APBA2: variants seen among roughly 807,000 people sequenced by gnomAD.
APBA2 encodes the protein amyloid beta precursor protein binding family A member 2.
Under a neutral mutation model 75.0 loss-of-function variants are expected in APBA2, and 30 were observed. The observed-to-expected ratio is 0.40, with a 90% CI of 0.30 to 0.54. APBA2 has a LOEUF of 0.54. APBA2 is among the 20% of genes least tolerant of loss of function. The probability of loss-of-function intolerance (pLI) is 0.49; values close to 1 mark genes in which losing one functional copy is unlikely to be tolerated. For synonymous variants in APBA2, 444 were observed against 409.6 expected (o/e 1.08, Z -1.01); for missense variants, 801 against 1,016.1 (o/e 0.79, Z 2.88).
chr15:28,998,426 G>A (rs2038659523), intron 3 of APBA2, among the ~76,000 whole-genome samples: 1 of 152,066 alleles, frequency 6.6e-6, no homozygotes, highest in Non-Finnish European at 1.5e-5. Flanking sequence ...GGGCTGATGT[G>A]ATACTAGCAT....
chr15:29,075,152 G>A, intron 5 of APBA2, 151 bp downstream of exon 5: 1 of 721,454 alleles, frequency 1.4e-6, no homozygotes, highest in Admixed American at 2.0e-5. Flanking sequence ...CCAAGTTGGT[G>A]TCACCATATG....
At chr15:28,888,769 A>G (rs879340575) in intron 1 of APBA2, among the ~76,000 whole-genome samples, 5 of 152,248 alleles carry the variant, frequency 3.3e-5, no homozygotes, top group Admixed American at 3.3e-4. Context: ...TCCTGGCTGT[A>G]TCACTCACAG....
At chr15:28,955,587 A>G (rs941802984) in intron 2 of APBA2, among the ~76,000 whole-genome samples, 3 of 152,258 alleles carry the variant, frequency 2.0e-5, no homozygotes, top group African/African-American at 7.2e-5. Flanking sequence ...AGGGAAATGC[A>G]TCTTTTGTGG....
intron 13 of APBA2, among the ~76,000 whole-genome samples, chr15:29,112,434 A>G (rs944871536): frequency 1.5e-4 from 23 of 152,134 alleles, no homozygotes; most frequent in Non-Finnish European, 4.4e-5. Context: ...AGGCCCCCTC[A>G]CAGTTGTCTG....
At chr15:28,900,707 G>T (rs142171927) in intron 1 of APBA2, among the ~76,000 whole-genome samples, 1 of 152,146 alleles carries the variant, frequency 6.6e-6, no homozygotes, top group Non-Finnish European at 1.5e-5. Flanking sequence ...GCGCCCCTGT[G>T]TGTCCTGTTT....
chr15:29,071,322 G>A (rs553878026), intron 4 of APBA2, among the ~76,000 whole-genome samples: 4 of 152,070 alleles, frequency 2.6e-5, no homozygotes, highest in South Asian at 2.1e-4. Flanking sequence ...CCTGAGTCCC[G>A]TGTGCTGTGA....
intron 3 of APBA2, among the ~76,000 whole-genome samples, chr15:29,033,964 C>CAAAAAAAAA (rs34808408): frequency 1.0e-4 from 4 of 39,548 alleles, no homozygotes; most frequent in African/African-American, 3.5e-4. Flanking sequence ...GACTCCATCT[C>CAAAAAAAAA]AAAAAAAAAA....
intron 2 of APBA2, among the ~76,000 whole-genome samples, chr15:28,948,589 C>T (rs894657794): frequency 1.9e-4 from 29 of 152,338 alleles, no homozygotes; most frequent in South Asian, 4.1e-4. Context: ...TTGCTTACGG[C>T]TACGCCCTGG....
intron 3 of APBA2, among the ~76,000 whole-genome samples, chr15:29,029,597 A>G (rs2040387672): frequency 6.6e-6 from 1 of 152,096 alleles, no homozygotes; most frequent in African/African-American, 2.4e-5. Flanking sequence ...CATCATATTT[A>G]ATAGAATTAT....
chr15:28,889,515 C>T (rs1034857704), intron 1 of APBA2, among the ~76,000 whole-genome samples: 14 of 152,322 alleles, frequency 9.2e-5, no homozygotes, highest in African/African-American at 3.4e-4. Flanking sequence ...TCTCAAGTTC[C>T]CCCACTTGCT....
chr15:29,022,750 A>G (rs1463091699), intron 3 of APBA2, among the ~76,000 whole-genome samples: 1 of 152,170 alleles, frequency 6.6e-6, no homozygotes, highest in Non-Finnish European at 1.5e-5. Context: ...GAATTTTATT[A>G]TTCTCATTGG....
intron 8 of APBA2, among the ~76,000 whole-genome samples, chr15:29,095,392 T>A (rs1385406755): frequency 6.6e-6 from 1 of 151,860 alleles, no homozygotes; most frequent in Non-Finnish European, 1.5e-5. Flanking sequence ...ATCATGCCAT[T>A]GCACTCCAGC....
At chr15:29,070,063 C>G (rs1057047368) in intron 4 of APBA2, among the ~76,000 whole-genome samples, 2 of 152,164 alleles carry the variant, frequency 1.3e-5, no homozygotes, top group Non-Finnish European at 2.9e-5. Context: ...CCCCCTAGAG[C>G]TGATGGACTC....
At chr15:29,027,211 A>C (rs1001814771) in intron 3 of APBA2, among the ~76,000 whole-genome samples, 3 of 152,126 alleles carry the variant, frequency 2.0e-5, no homozygotes, top group African/African-American at 7.2e-5. Flanking sequence ...CTTTTTTGAG[A>C]TGTGACATCA....
intron 3 of APBA2, among the ~76,000 whole-genome samples, chr15:29,017,519 G>A (rs923903357): frequency 2.0e-5 from 3 of 147,150 alleles, no homozygotes; most frequent in Admixed American, 6.9e-5. Flanking sequence ...ACAGGAGCCC[G>A]CCACTGCGCC....
intron 1 of APBA2, among the ~76,000 whole-genome samples, chr15:28,897,713 A>G (rs1314129744): frequency 6.6e-6 from 1 of 152,088 alleles, no homozygotes; most frequent in Admixed American, 6.5e-5. Flanking sequence ...GTCAGAGTAG[A>G]CATTCGTACA....
Position 28,930,674 on chromosome 15 carries a change from G to T in APBA2, c.-95+8925G>T, listed in dbSNP as rs527945012. ...AGGGCATTCTCTCCACAAGTGGGCT[G>T]GGTGGCACTTCTGGGGTCCAGCAGA... is the stretch of plus-strand genomic sequence containing the variant. On this transcript the variant is annotated intron_variant, in intron 2 of 14. Coordinates refer to ENST00000683413, the MANE Select transcript of APBA2 (RefSeq NM_001353788.2). 3.3e-5 allele frequency among the ~76,000 whole-genome samples: 5 copies of T among 152,256 alleles called. No individual in the cohort carries two copies. The South Asian group carries it at 1.0e-3, about 32-fold the overall frequency.
intron 3 of APBA2, among the ~76,000 whole-genome samples, chr15:29,024,317 A>G (rs2040108805): frequency 6.6e-6 from 1 of 152,238 alleles, no homozygotes; most frequent in South Asian, 2.1e-4. Flanking sequence ...TTATCATAGT[A>G]ACAGCATTCA....
chr15:28,908,661 G>T (rs1007056640), intron 1 of APBA2, among the ~76,000 whole-genome samples: 1 of 152,116 alleles, frequency 6.6e-6, no homozygotes, highest in African/African-American at 2.4e-5. Flanking sequence ...GATACCTCAG[G>T]CTCCTGGTTA....
Sources: allele counts gnomAD v4.1 joint callset (sites outside exome capture counted in the v4.1 genomes callset), GRCh38; gene constraint gnomAD v4.1.1; transcripts MANE v1.5; gene names NCBI Gene and HGNC (gene_info 2026-07-23, HGNC 2026-07-21).